The following MTX2 variants were observed in gnomAD, a reference collection of about 807,000 sequenced individuals.
The protein encoded by MTX2 is metaxin 2.
In MTX2, 35 loss-of-function variants were observed where a neutral mutation model predicts 42.3. The ratio of observed to expected loss-of-function variants is 0.83; its 90% confidence interval spans 0.63 to 1.10. MTX2 has a LOEUF of 1.10. Ranked by LOEUF, MTX2 falls within the 50% of genes least tolerant of loss-of-function variation. The pLI, the probability that MTX2 is intolerant of heterozygous loss-of-function variation, is 0.00. For missense variants in MTX2, 307 were observed against 304.1 expected, an observed-to-expected ratio of 1.01 and a Z score of -0.07; for synonymous variants, 119 against 100.9, an observed-to-expected ratio of 1.18 and a Z score of -1.08.
At chr2:176,320,007 A>G (rs1684539807) in intron 3 of MTX2, among the ~76,000 whole-genome samples, 1 of 152,092 alleles carries the variant, frequency 6.6e-6, no homozygotes, top group South Asian at 2.1e-4. Flanking sequence ...TTTGGATGAA[A>G]ATGCTTTGTG....
intron 3 of MTX2, among the ~76,000 whole-genome samples, chr2:176,300,167 A>G (rs1003350289): frequency 3.3e-5 from 5 of 151,936 alleles, no homozygotes; most frequent in Admixed American, 1.3e-4. Context: ...GATATCTTCC[A>G]TTCTGTACTT....
chr2:176,308,799 T>G (rs897958374), intron 3 of MTX2, among the ~76,000 whole-genome samples: 1 of 152,208 alleles, frequency 6.6e-6, no homozygotes, highest in Non-Finnish European at 1.5e-5. Context: ...TTTATTAGTC[T>G]TGCTAGTGGT....
chr2:176,310,600 T>C (rs529174041), intron 3 of MTX2, among the ~76,000 whole-genome samples: 1 of 152,210 alleles, frequency 6.6e-6, no homozygotes, highest in African/African-American at 2.4e-5. Flanking sequence ...TTGTTCCTTT[T>C]GACTCTTTTT....
rs183508985 is a variant in MTX2, at chr2:176,294,553, G to A, written c.41-2307G>A. 3.9e-3 allele frequency among the ~76,000 whole-genome samples: 599 copies of A among 152,252 alleles called. 2 individuals carry two copies. The highest frequency in any genetic ancestry group is 7.1e-3 in the Admixed American group (109 of 15,296). On this transcript the variant is annotated intron_variant, in intron 1 of 9. Transcript: ENST00000249442. ...GCCTCCCAAAGTTTTGGGATTACAGGCGTGAGCCATGGCACCCAGCTGATG... is the reference window on the plus strand; with the variant it reads ...GCCTCCCAAAGTTTTGGGATTACAGACGTGAGCCATGGCACCCAGCTGATG...
At chr2:176,314,230 G>A (rs1684383903) in intron 3 of MTX2, among the ~76,000 whole-genome samples, 2 of 152,116 alleles carry the variant, frequency 1.3e-5, no homozygotes, top group Non-Finnish European at 2.9e-5. Flanking sequence ...GAGGCCAGGA[G>A]TTCACGACCA....
At chr2:176,306,457 T>C (rs900510052) in intron 3 of MTX2, among the ~76,000 whole-genome samples, 1 of 152,224 alleles carries the variant, frequency 6.6e-6, no homozygotes, top group Non-Finnish European at 1.5e-5. Context: ...ATGGTAATTC[T>C]AGTTCTAGAT....
intron 3 of MTX2, among the ~76,000 whole-genome samples, chr2:176,300,471 G>A (rs1468543528): frequency 2.0e-5 from 3 of 152,014 alleles, no homozygotes; most frequent in Non-Finnish European, 4.4e-5. Context: ...TTCAAAATCT[G>A]ATGTGTATTT....
intron 1 of MTX2, among the ~76,000 whole-genome samples, chr2:176,279,885 G>A (rs987330631): frequency 6.6e-6 from 1 of 152,128 alleles, no homozygotes; most frequent in Non-Finnish European, 1.5e-5. Context: ...GTGCTAATGT[G>A]TGAGAAATTA....
In MTX2 at chr2:176,297,958, G is replaced by A. The variant is rs943165464; in HGVS notation, c.135+63G>A. ...TAGGTGGTTTGCATCATTTTGACTT[G>A]CAGTTATATTTTTCCCCTTCCAAAA... On this transcript the variant is annotated intron_variant, in intron 3 of 9. Transcript: ENST00000249442. 5 of 1,287,082 alleles carry A rather than the reference G, an allele frequency of 3.9e-6. No individual in the cohort carries two copies. The Admixed American group carries it at 1.1e-4, about 28-fold the overall frequency. The allele number at this position is 1,287,082 out of a possible 1,614,324, so 79.7% of individuals were successfully genotyped here.
chr2:176,332,342 T>C (rs1684881998), intron 9 of MTX2, among the ~76,000 whole-genome samples: 1 of 151,386 alleles, frequency 6.6e-6, no homozygotes, highest in Non-Finnish European at 1.5e-5. Context: ...CAGGAGTCAT[T>C]ACTTTGTGAG....
chr2:176,337,431 T>C, intron 9 of MTX2, 62 bp from the exon 10 acceptor site: 1 of 1,406,320 alleles, frequency 7.1e-7, no homozygotes, highest in Non-Finnish European at 9.6e-7. Context: ...GAGGGCCAAC[T>C]GTGTTTTCTA....
intron 1 of MTX2, among the ~76,000 whole-genome samples, chr2:176,273,878 G>T (rs1692881837): frequency 6.6e-6 from 1 of 150,620 alleles, no homozygotes. Flanking sequence ...GCCTCAGTGG[G>T]TTTTTTGTTT....
In MTX2 at chr2:176,329,289, T is replaced by C; in HGVS notation, c.418-12T>C. ...GAAGGATCACCTTTTTTACAAAATC[T>C]TTTTACTTTAGATCACTCATGCTAG... On this transcript the variant is annotated splice_polypyrimidine_tract_variant and intron_variant, in intron 7 of 9. Transcript: ENST00000249442. The C allele has an allele frequency of 6.3e-7, 1 of 1,582,710 alleles. No homozygotes were observed. Among genetic ancestry groups the C allele is most frequent in the Non-Finnish European group, 8.6e-7 (1 of 1,167,306 alleles).
chr2:176,314,892 A>G (rs932708462), intron 3 of MTX2, among the ~76,000 whole-genome samples: 1 of 152,170 alleles, frequency 6.6e-6, no homozygotes, highest in African/African-American at 2.4e-5. Context: ...GAAAAGACCA[A>G]AGATGAAGAT....
intron 1 of MTX2, among the ~76,000 whole-genome samples, chr2:176,278,251 A>G (rs531401099): frequency 4.0e-5 from 6 of 151,860 alleles, no homozygotes; most frequent in South Asian, 4.2e-4. Flanking sequence ...GGGTTTTACC[A>G]TGTTGGCCAG....
In MTX2 at chr2:176,332,072, G is replaced by C. The variant is rs545161743; in HGVS notation, c.620+1412G>C. Among the ~76,000 whole-genome samples, 3 of 151,200 alleles carry C rather than the reference G, an allele frequency of 2.0e-5. No homozygotes were observed. The South Asian group carries it at 6.2e-4, about 31-fold the overall frequency. On this transcript the variant is annotated intron_variant, in intron 9 of 9. Coordinates refer to ENST00000249442, the MANE Select transcript of MTX2 (RefSeq NM_006554.5). ...ACTTGTGATGAAAACTTCTAACTTA[G>C]AACAGTTCAAACACCAAAGCCTTGC...
chr2:176,269,469 T>TG lies in MTX2; in HGVS notation c.-156dup. 1 of 742,108 alleles carries TG rather than the reference T, an allele frequency of 1.3e-6. No individual in the cohort carries two copies. Among genetic ancestry groups the TG allele is most frequent in the Non-Finnish European group, 2.0e-6 (1 of 487,826 alleles). 46.0% of individuals were successfully genotyped at this position (742,108 alleles called of 1,614,324 possible). A position where few individuals can be genotyped will look rare whatever the true frequency, so the allele number is the denominator to read the frequency against. ...CCCTAGCCAGGCCTGGCGGTAACCTTGGGGGCCTCACTGCAGCCGCCGCTG... is the reference window on the plus strand; with the variant it reads ...CCCTAGCCAGGCCTGGCGGTAACCTTGGGGGGCCTCACTGCAGCCGCCGCTG... On this transcript the variant is annotated 5_prime_UTR_variant, in exon 1 of 10. Transcript: ENST00000249442.
intron 3 of MTX2, among the ~76,000 whole-genome samples, chr2:176,302,031 G>A (rs941876204): frequency 1.3e-5 from 2 of 151,790 alleles, no homozygotes; most frequent in Non-Finnish European, 2.9e-5. Flanking sequence ...AGTTTTAGAA[G>A]TCCAATGTGC....
intron 3 of MTX2, among the ~76,000 whole-genome samples, chr2:176,317,247 C>G (rs1213871382): frequency 6.6e-6 from 1 of 150,670 alleles, no homozygotes; most frequent in Non-Finnish European, 1.5e-5. Context: ...CCCTCCCTCT[C>G]TCTACACCCT....
Sources: gnomAD v4.1 joint callset for allele counts (sites outside exome capture counted in the v4.1 genomes callset) on GRCh38, gnomAD v4.1.1 for gene constraint, MANE v1.5 for transcripts, NCBI Gene and HGNC (gene_info 2026-07-23, HGNC 2026-07-21) for gene names.